The following ZNF146 variants were observed in gnomAD, a reference collection of about 807,000 sequenced individuals.
ZNF146 encodes the protein zinc finger protein OZF.
A neutral mutation model predicts 22.2 loss-of-function variants in ZNF146; 9 were observed. That is an observed-to-expected ratio of 0.41 (90% CI 0.24 to 0.71). ZNF146 has a LOEUF of 0.71. ZNF146 is among the 30% of genes least tolerant of loss of function. ZNF146 has a pLI of 0.34. For missense variants in ZNF146, 194 were observed against 344.8 expected (o/e 0.56, Z 3.46); for synonymous variants, 108 against 119.2 (o/e 0.91, Z 0.61).
At chr19:36,226,065 C>T (rs982183151) in intron 2 of ZNF146, among the ~76,000 whole-genome samples, 7 of 152,162 alleles carry the variant, frequency 4.6e-5, no homozygotes, top group African/African-American at 1.4e-4. Context: ...CCACTGCGTC[C>T]AGCCCACGGT....
chr19:36,238,604 A>G lies in ZNF146; in HGVS notation c.*1285A>G, dbSNP rs1977732491. Reference sequence around the variant, plus strand: ...AATAGGAATGGGAGTGAGGATGGGAATGCTGTATCTGTGGAAGTCATGTTA... The same window carrying G: ...AATAGGAATGGGAGTGAGGATGGGAGTGCTGTATCTGTGGAAGTCATGTTA... On this transcript the variant is annotated 3_prime_UTR_variant, in exon 4 of 4. Coordinates refer to ENST00000443387, the MANE Select transcript of ZNF146 (RefSeq NM_007145.3). The G allele has an allele frequency of 6.0e-6, 1 of 167,050 alleles. No homozygotes were observed. Among genetic ancestry groups the G allele is most frequent in the African/African-American group, 2.4e-5 (1 of 41,452 alleles). The allele number at this position is 167,050 out of a possible 1,614,324, so 10.3% of individuals were successfully genotyped here.
intron 2 of ZNF146, among the ~76,000 whole-genome samples, chr19:36,224,322 C>T (rs749818399): frequency 1.2e-4 from 18 of 152,200 alleles, no homozygotes; most frequent in Non-Finnish European, 2.6e-4. Context: ...GCGGAGGTTG[C>T]AGTGAGCTGA....
intron 1 of ZNF146, among the ~76,000 whole-genome samples, chr19:36,217,206 G>A (rs1976648837): frequency 6.8e-6 from 1 of 146,414 alleles, no homozygotes; most frequent in Admixed American, 6.9e-5. Flanking sequence ...GGGATTAGTT[G>A]CCTGCCACCA....
intron 2 of ZNF146, among the ~76,000 whole-genome samples, chr19:36,228,158 C>CAA (rs71171422): frequency 4.4e-4 from 47 of 106,632 alleles, no homozygotes; most frequent in African/African-American, 6.9e-4. Flanking sequence ...GAAACTGTCT[C>CAA]AAAAAAAAAA....
At chr19:36,228,390 AGT>A (rs1977177117) in intron 2 of ZNF146, 1 of 152,184 alleles carries the variant, frequency 6.6e-6, no homozygotes, top group South Asian at 2.1e-4. Flanking sequence ...CCTGAGTGGG[AGT>A]GTGGTGCTAG....
intron 2 of ZNF146, among the ~76,000 whole-genome samples, chr19:36,220,445 A>G (rs1322042664): frequency 2.6e-5 from 4 of 151,802 alleles, no homozygotes; most frequent in East Asian, 1.9e-4. Context: ...GCTCACTGCA[A>G]TCTCCGCCTC....
intron 3 of ZNF146, among the ~76,000 whole-genome samples, chr19:36,232,124 A>G (rs981818742): frequency 6.6e-6 from 1 of 150,604 alleles, no homozygotes; most frequent in South Asian, 2.1e-4. Flanking sequence ...AATCGGTTGA[A>G]CCTGGGAGGC....
chr19:36,215,709 G>A (rs1263598728), intron 1 of ZNF146, among the ~76,000 whole-genome samples: 1 of 151,794 alleles, frequency 6.6e-6, no homozygotes, highest in East Asian at 1.9e-4. Flanking sequence ...TAGTTTCGGG[G>A]TGCCTACTTC....
rs1367917215 is a variant in ZNF146, at chr19:36,236,674, A to C, written c.234A>C (p.Gly78=). 1 of 1,614,222 alleles carries C rather than the reference A, an allele frequency of 6.2e-7. No homozygotes were observed. The change falls in exon 4 of 4, where the codon GGA becomes GGC. Residue 78 remains glycine, a synonymous_variant. Transcript: ENST00000443387. The stretch of plus-strand genomic sequence containing the variant: ...AGCTTTTCGAATGTAATGAATGTGG[A>C]AAATCATTTAGCCAGAAGGAAAACC... The part of the protein sequence containing the change: ...GEKLFECNEC[G]KSFSQKENLL...
chr19:36,217,315 G>A (rs907521434), intron 1 of ZNF146, among the ~76,000 whole-genome samples: 2 of 151,464 alleles, frequency 1.3e-5, no homozygotes. Context: ...GGCCCGCCTC[G>A]GCTTCCCAAA....
chr19:36,226,840 C>T (rs922053946), intron 2 of ZNF146, among the ~76,000 whole-genome samples: 2 of 152,188 alleles, frequency 1.3e-5, no homozygotes, highest in African/African-American at 2.4e-5. Flanking sequence ...AATCCCAGCC[C>T]TTTGGGAGGC....
rs1017685524 is a variant in ZNF146 at position 36,219,568 on chromosome 19, A to G, written c.-855+1373A>G. Among the ~76,000 whole-genome samples, 3 of 152,284 alleles carry G rather than the reference A, an allele frequency of 2.0e-5. No homozygotes were observed. The South Asian group carries it at 6.2e-4, about 32-fold the overall frequency. On this transcript the variant is annotated intron_variant, in intron 2 of 3. Transcript: ENST00000443387. ...CAGAATACATCAGAGGTGATCTTACATACTTCAAATTGCATACCATTAGGA... is the reference window on the plus strand; with the variant it reads ...CAGAATACATCAGAGGTGATCTTACGTACTTCAAATTGCATACCATTAGGA...
chr19:36,229,404 G>A (rs1417126603), intron 3 of ZNF146, among the ~76,000 whole-genome samples: 1 of 152,028 alleles, frequency 6.6e-6, no homozygotes, highest in Non-Finnish European at 1.5e-5. Context: ...TATATGTATG[G>A]CACAATTACA....
chr19:36,227,675 C>A (rs1977132732), intron 2 of ZNF146, among the ~76,000 whole-genome samples: 1 of 152,158 alleles, frequency 6.6e-6, no homozygotes, highest in African/African-American at 2.4e-5. Flanking sequence ...CCACCTCAGC[C>A]TCTTAAGTAG....
At chr19:36,216,705 T>A (rs1464067339) in intron 1 of ZNF146, among the ~76,000 whole-genome samples, 1 of 152,074 alleles carries the variant, frequency 6.6e-6, no homozygotes, top group Non-Finnish European at 1.5e-5. Flanking sequence ...GGCTTTTCTC[T>A]TTTGGAACTA....
chr19:36,232,864 G>A (rs1977448154), intron 3 of ZNF146, among the ~76,000 whole-genome samples: 1 of 152,106 alleles, frequency 6.6e-6, no homozygotes. Context: ...GATTACAGGT[G>A]TGAGTCACCA....
chr19:36,217,681 TTG>T (rs1038597519), intron 1 of ZNF146, among the ~76,000 whole-genome samples: 3 of 151,954 alleles, frequency 2.0e-5, no homozygotes, highest in African/African-American at 7.2e-5. Flanking sequence ...GGTCAGGAGT[TTG>T]AGACCAGCGT....
chr19:36,215,472 A>ATTTCTATGATTACTTTTGCAT (rs1976560997), intron 1 of ZNF146, among the ~76,000 whole-genome samples: 1 of 152,024 alleles, frequency 6.6e-6, no homozygotes, highest in African/African-American at 2.4e-5. Context: ...ACCAGCATTG[A>ATTTCTATGATTACTTTTGCAT]GGTATAACGT....
At position 36,236,913 on chromosome 19, in the gene ZNF146, G is replaced by A. The variant is rs1977664259; in HGVS notation, c.473G>A (p.Cys158Tyr). 1.2e-6 allele frequency: 2 copies of A among 1,613,994 alleles called. No individual in the cohort carries two copies. Among genetic ancestry groups the A allele is most frequent in the African/African-American group, 2.7e-5 (2 of 74,918 alleles). The change falls in exon 4 of 4, where the codon TGT (cysteine) becomes TAT (tyrosine). Residue 158 changes from cysteine (C) to tyrosine (Y), a missense_variant. Cys to Tyr is a radical substitution (Grantham distance 194, BLOSUM62 -2). Around this residue, in one of 2 missense-constraint regions of ZNF146, gnomAD observed 147 missense variants for 300.1 expected, o/e 0.49. Coordinates refer to ENST00000443387, the MANE Select transcript of ZNF146 (RefSeq NM_007145.3). ...CATATTGGAGAGAAGCCTTTTAAATGTAGTGAATGTGGAACAGCCTTTGGC... is the reference window on the plus strand; with the variant it reads ...CATATTGGAGAGAAGCCTTTTAAATATAGTGAATGTGGAACAGCCTTTGGC... ...KIHIGEKPFK[C>Y]SECGTAFGQK...
Sources: allele counts gnomAD v4.1 joint callset (sites outside exome capture counted in the v4.1 genomes callset), GRCh38; gene constraint gnomAD v4.1.1; regional missense constraint gnomAD v4.1.1; transcripts MANE v1.5; gene names NCBI Gene and HGNC (gene_info 2026-07-23, HGNC 2026-07-21).